DLG2: variants seen among roughly 807,000 people sequenced by gnomAD.
DLG2 encodes disks large homolog 2.
A neutral mutation model predicts 132.5 loss-of-function variants in DLG2; 45 were observed. The ratio of observed to expected loss-of-function variants is 0.34; its 90% CI spans 0.27 to 0.44. The LOEUF (loss-of-function observed/expected upper bound fraction) is 0.44, where lower values mean the gene tolerates loss of function less well. Among genes scored for constraint, DLG2 ranks in the 20% least tolerant of loss-of-function variants. The pLI is 1.00. For synonymous variants in DLG2, 424 were observed against 419.6 expected, an observed-to-expected ratio of 1.01 and a Z score of -0.13; for missense variants, 1,045 against 1,196.9, an observed-to-expected ratio of 0.87 and a Z score of 1.87.
chr11:84,159,831 C>T (rs1437893361), intron 9 of DLG2, among the ~76,000 whole-genome samples: 2 of 152,038 alleles, frequency 1.3e-5, no homozygotes, highest in African/African-American at 4.8e-5. Flanking sequence ...TAAGATCTGA[C>T]TGATTTTGTA....
chr11:84,932,871 G>T (rs529263250), intron 6 of DLG2, among the ~76,000 whole-genome samples: 1 of 152,022 alleles, frequency 6.6e-6, no homozygotes, highest in Non-Finnish European at 1.5e-5. Context: ...CTTTGGGTAC[G>T]TACCCAGTAA....
At chr11:83,703,542 G>A (rs537577045) in intron 18 of DLG2, among the ~76,000 whole-genome samples, 15 of 152,070 alleles carry the variant, frequency 9.9e-5, no homozygotes, top group Non-Finnish European at 2.1e-4. Context: ...CCAGCTAATC[G>A]GGAGGCTGAG....
chr11:84,729,433 G>A (rs561026290), intron 6 of DLG2, among the ~76,000 whole-genome samples: 1 of 152,216 alleles, frequency 6.6e-6, no homozygotes, highest in African/African-American at 2.4e-5. Context: ...TTGCACTGTG[G>A]TCCGAGAGAC....
At chr11:83,926,555 T>C (rs1021993048) in intron 15 of DLG2, among the ~76,000 whole-genome samples, 2 of 152,132 alleles carry the variant, frequency 1.3e-5, no homozygotes, top group Admixed American at 6.6e-5. Context: ...ACTTTGTGGA[T>C]GATCCTTGAT....
chr11:83,794,727 A>C (rs1423988793), intron 17 of DLG2, among the ~76,000 whole-genome samples: 2 of 152,288 alleles, frequency 1.3e-5, no homozygotes, highest in African/African-American at 4.8e-5. Flanking sequence ...AACTAGGCTC[A>C]GAGACTCACT....
intron 7 of DLG2, among the ~76,000 whole-genome samples, chr11:84,522,184 A>G (rs1487007340): frequency 6.6e-6 from 1 of 151,422 alleles, no homozygotes; most frequent in Non-Finnish European, 1.5e-5. Context: ...GAACAAACAA[A>G]AAAAAAAAAA....
intron 7 of DLG2, among the ~76,000 whole-genome samples, chr11:84,503,197 T>C (rs2099227031): frequency 1.3e-5 from 2 of 152,320 alleles, no homozygotes; most frequent in African/African-American, 4.8e-5. Flanking sequence ...TTGGTCTCTT[T>C]TGGTAGACTA....
At chr11:84,244,442 T>G (rs898353438) in intron 8 of DLG2, among the ~76,000 whole-genome samples, 1 of 152,180 alleles carries the variant, frequency 6.6e-6, no homozygotes, top group African/African-American at 2.4e-5. Context: ...CGCCTCGGCC[T>G]CCCAAAGTGC....
chr11:85,244,683 T>C (rs1376969915), intron 4 of DLG2, among the ~76,000 whole-genome samples: 1 of 151,982 alleles, frequency 6.6e-6, no homozygotes, highest in East Asian at 1.9e-4. Flanking sequence ...AGGAAATAGA[T>C]AGTTCCAGTT....
intron 18 of DLG2, among the ~76,000 whole-genome samples, chr11:83,707,721 C>T (rs1441405031): frequency 6.6e-6 from 1 of 152,174 alleles, no homozygotes; most frequent in African/African-American, 2.4e-5. Flanking sequence ...AACAAGTGCA[C>T]AATGCTTTTG....
rs563692347 is a variant in DLG2 at position 84,732,912 on chromosome 11, T to C, written c.358-198181A>G. Among the ~76,000 whole-genome samples, 459 of 152,130 alleles carry C rather than the reference T, an allele frequency of 3.0e-3. 1 individual carries two copies. The highest frequency in any genetic ancestry group is 4.6e-3 in the Non-Finnish European group (316 of 68,006). On this transcript the variant is annotated intron_variant, in intron 6 of 27. Coordinates refer to ENST00000376104, the MANE Select transcript of DLG2 (RefSeq NM_001142699.3). ...GATGTTTGGTTTTTTGTCCTTGCGA[T>C]AGTTTGCTGAGAATGATGGTTTCCA... is the stretch of plus-strand genomic sequence containing the variant.
At chr11:85,386,048 CAG>C (rs2086296077) in intron 3 of DLG2, among the ~76,000 whole-genome samples, 1 of 152,076 alleles carries the variant, frequency 6.6e-6, no homozygotes, top group South Asian at 2.1e-4. Context: ...AAGAGAAAAA[CAG>C]AAATTTAATT....
chr11:84,578,050 T>C (rs923054802), intron 6 of DLG2, among the ~76,000 whole-genome samples: 1 of 152,198 alleles, frequency 6.6e-6, no homozygotes, highest in African/African-American at 2.4e-5. Flanking sequence ...AATTTCCATG[T>C]GGTGTTGAGC....
chr11:85,067,067 T>G (rs182078076), intron 6 of DLG2, among the ~76,000 whole-genome samples: 315 of 151,868 alleles, frequency 2.1e-3, no homozygotes, highest in African/African-American at 7.2e-3. Context: ...GGGAAAGAAA[T>G]CACTACATTA....
intron 3 of DLG2, among the ~76,000 whole-genome samples, chr11:85,581,321 C>T (rs948710445): frequency 1.1e-4 from 16 of 151,984 alleles, no homozygotes; most frequent in African/African-American, 2.2e-4. Flanking sequence ...TCTTTGAGAA[C>T]GCCTTCTCTG....
chr11:84,265,937 G>A (rs969728447), intron 7 of DLG2, among the ~76,000 whole-genome samples: 1 of 152,056 alleles, frequency 6.6e-6, no homozygotes, highest in Non-Finnish European at 1.5e-5. Flanking sequence ...ACATGGAAGA[G>A]GACTGCCATT....
chr11:84,488,307 G>A (rs7108542), intron 7 of DLG2, among the ~76,000 whole-genome samples: 49,701 of 151,960 alleles, frequency 0.33, 10,364 homozygotes, highest in African/African-American at 0.59. Flanking sequence ...TCACTGGAAA[G>A]GAATCCTGGG....
chr11:85,625,414 T>C (rs1469729816), intron 2 of DLG2, among the ~76,000 whole-genome samples: 3 of 152,202 alleles, frequency 2.0e-5, no homozygotes, highest in Non-Finnish European at 4.4e-5. Flanking sequence ...TTTACTTCTG[T>C]CAGTGGTATT....
chr11:84,627,046 T>G (rs1376261245), intron 6 of DLG2, among the ~76,000 whole-genome samples: 1 of 151,924 alleles, frequency 6.6e-6, no homozygotes, highest in Non-Finnish European at 1.5e-5. Context: ...AATTTTCGTA[T>G]TTTTGGTAGA....
Sources: gnomAD v4.1 joint callset for allele counts (sites outside exome capture counted in the v4.1 genomes callset) on GRCh38, gnomAD v4.1.1 for gene constraint, MANE v1.5 for transcripts, NCBI Gene and HGNC (gene_info 2026-07-23, HGNC 2026-07-21) for gene names.